The following MNAT1 variants were observed in gnomAD, a reference collection of about 807,000 sequenced individuals.
MNAT1 encodes CDK-activating kinase assembly factor MAT1.
In MNAT1, 43 loss-of-function variants were observed where a neutral mutation model predicts 42.0. The ratio of observed to expected loss-of-function variants is 1.02; its 90% CI spans 0.80 to 1.32. The LOEUF is 1.32. MNAT1 is among the 40% of genes most tolerant of loss of function. The pLI, the probability that MNAT1 is intolerant of heterozygous loss-of-function variation, is 0.00. For synonymous variants in MNAT1, 118 were observed against 120.0 expected, an observed-to-expected ratio of 0.98 and a Z score of 0.11; for missense variants, 306 against 350.4, an observed-to-expected ratio of 0.87 and a Z score of 1.01.
intron 6 of MNAT1, among the ~76,000 whole-genome samples, chr14:60,832,491 T>A (rs547203077): frequency 1.1e-4 from 16 of 152,276 alleles, no homozygotes; most frequent in African/African-American, 3.8e-4. Flanking sequence ...TGGTTGTAGA[T>A]GTGTGGCGTT....
At chr14:60,934,859 C>T (rs1331156647) in intron 7 of MNAT1, among the ~76,000 whole-genome samples, 3 of 152,156 alleles carry the variant, frequency 2.0e-5, no homozygotes, top group Non-Finnish European at 4.4e-5. Context: ...TTTAAATGCT[C>T]TTGGGAGGGG....
chr14:60,851,347 G>A (rs970752282), intron 6 of MNAT1, among the ~76,000 whole-genome samples: 1 of 152,024 alleles, frequency 6.6e-6, no homozygotes, highest in African/African-American at 2.4e-5. Flanking sequence ...GGCATATCTG[G>A]TTTTCTTTTG....
chr14:60,857,605 G>A (rs964686201), intron 6 of MNAT1, among the ~76,000 whole-genome samples: 2 of 152,026 alleles, frequency 1.3e-5, no homozygotes, highest in African/African-American at 4.8e-5. Context: ...TTTAAGTTCT[G>A]CGGTACATTT....
At chr14:60,908,305 T>A (rs1239422639) in intron 7 of MNAT1, among the ~76,000 whole-genome samples, 1 of 152,174 alleles carries the variant, frequency 6.6e-6, no homozygotes, top group Non-Finnish European at 1.5e-5. Flanking sequence ...TTTTCTGGAT[T>A]GTTATTTTTT....
intron 1 of MNAT1, among the ~76,000 whole-genome samples, chr14:60,762,169 A>C (rs557774384): frequency 1.3e-5 from 2 of 152,286 alleles, no homozygotes; most frequent in East Asian, 3.9e-4. Context: ...AGTGACTTGA[A>C]GTTTGGGACA....
At chr14:60,836,812 G>A (rs760721562) in intron 6 of MNAT1, among the ~76,000 whole-genome samples, 7 of 152,202 alleles carry the variant, frequency 4.6e-5, no homozygotes, top group African/African-American at 9.6e-5. Context: ...AGGCAGGAAC[G>A]TTTATGTCTG....
At chr14:60,781,974 ATT>A (rs372647745) in intron 1 of MNAT1, among the ~76,000 whole-genome samples, 15 of 120,388 alleles carry the variant, frequency 1.2e-4, no homozygotes, top group African/African-American at 9.8e-5. Flanking sequence ...TGTGTGTGTG[ATT>A]TTTTTTTTTT....
intron 7 of MNAT1, among the ~76,000 whole-genome samples, chr14:60,923,685 A>G (rs925660216): frequency 6.6e-6 from 1 of 152,198 alleles, no homozygotes; most frequent in East Asian, 1.9e-4. Context: ...CCCTGGATTA[A>G]CGGATGGACA....
In MNAT1 at chr14:60,943,114, C is replaced by G. The variant is rs139797933; in HGVS notation, c.810-25115C>G. Among the ~76,000 whole-genome samples the G allele has an allele frequency of 5.4e-3, 689 of 127,682 alleles. 14 individuals carry two copies. Among genetic ancestry groups the G allele is most frequent in the African/African-American group, 0.019 (643 of 33,228 alleles). The allele number at this position is 127,682 out of a possible 152,430, so 83.8% of individuals were successfully genotyped here. Reference sequence around the variant, plus strand: ...TTGTCACCCAGGCTGTAGTGCAGTGCCGCAATTTTGGCTCACTGCAACCTC... The same window carrying G: ...TTGTCACCCAGGCTGTAGTGCAGTGGCGCAATTTTGGCTCACTGCAACCTC... On this transcript the variant is annotated intron_variant, in intron 7 of 7. Transcript: ENST00000261245.
At chr14:60,818,956 G>A in intron 6 of MNAT1, 109 bp downstream of exon 6, 1 of 1,253,064 alleles carries the variant, frequency 8.0e-7, no homozygotes, top group Non-Finnish European at 1.1e-6. Flanking sequence ...TTTAAGAACA[G>A]TGTCTGATCT....
intron 6 of MNAT1, among the ~76,000 whole-genome samples, chr14:60,870,635 A>G (rs926438781): frequency 6.6e-6 from 1 of 152,066 alleles, no homozygotes; most frequent in African/African-American, 2.4e-5. Context: ...TTTATTTTAT[A>G]TTTCTAGCTG....
At chr14:60,741,680 T>TTTTTG (rs1555371492) in intron 1 of MNAT1, among the ~76,000 whole-genome samples, 1 of 141,446 alleles carries the variant, frequency 7.1e-6, no homozygotes, top group African/African-American at 2.6e-5. Flanking sequence ...TTTTTTTTTT[T>TTTTTG]AATTTTTAGT....
intron 6 of MNAT1, among the ~76,000 whole-genome samples, chr14:60,855,080 C>T (rs192751222): frequency 5.9e-5 from 9 of 152,244 alleles, no homozygotes; most frequent in South Asian, 2.1e-4. Context: ...GTGAATTCTG[C>T]GCAGTTCAGA....
intron 7 of MNAT1, among the ~76,000 whole-genome samples, chr14:60,963,138 C>T (rs1399046681): frequency 6.6e-6 from 1 of 152,032 alleles, no homozygotes; most frequent in African/African-American, 2.4e-5. Context: ...CGTGCCACCA[C>T]GCCCGGCTAA....
chr14:60,754,415 T>G (rs751469845), intron 1 of MNAT1, among the ~76,000 whole-genome samples: 1 of 151,390 alleles, frequency 6.6e-6, no homozygotes, highest in Non-Finnish European at 1.5e-5. Context: ...TGGCACGATC[T>G]TGGCTCACTG....
intron 6 of MNAT1, among the ~76,000 whole-genome samples, chr14:60,865,703 A>G (rs1594814433): frequency 1.3e-5 from 2 of 152,298 alleles, no homozygotes; most frequent in South Asian, 2.1e-4. Flanking sequence ...AATAAAACCT[A>G]TAACAACAAA....
Position 60,798,090 on chromosome 14 carries a change from C to G in MNAT1, c.246C>G (p.Tyr82Ter), listed in dbSNP as rs774207911. The G allele has an allele frequency of 7.3e-7, 1 of 1,377,426 alleles. No homozygotes were observed. Among genetic ancestry groups the G allele is most frequent in the Admixed American group, 1.8e-5 (1 of 55,146 alleles). The allele number at this position is 1,377,426 out of a possible 1,614,324, so 85.3% of individuals were successfully genotyped here. The change falls in exon 3 of 8, where the codon TAC becomes TAG. Residue 82 changes from tyrosine (Y) to a stop codon, truncating the protein, a stop_gained. Transcript: ENST00000261245. LOFTEE classifies it high-confidence loss of function. ...VEIRKKVLKI[Y>*]NKREEDFPSL... is the part of the protein sequence containing the mutation. ...TTTCTTTTTTCTTTTCTTAAAGATA[C>G]AATAAAAGGGAAGAAGATTTTCCTA...
intron 7 of MNAT1, among the ~76,000 whole-genome samples, chr14:60,942,392 AT>A (rs2036182810): frequency 6.6e-6 from 1 of 151,266 alleles, no homozygotes; most frequent in Non-Finnish European, 1.5e-5. Flanking sequence ...CAAAAATCCT[AT>A]CACCATTTGC....
intron 1 of MNAT1, among the ~76,000 whole-genome samples, chr14:60,776,041 G>A (rs1298271899): frequency 1.3e-5 from 2 of 152,198 alleles, no homozygotes; most frequent in Non-Finnish European, 2.9e-5. Context: ...ATACAGTCAT[G>A]GACTGGTAGA....
Sources: gnomAD v4.1 joint callset for allele counts (sites outside exome capture counted in the v4.1 genomes callset) on GRCh38, gnomAD v4.1.1 for gene constraint, MANE v1.5 for transcripts, NCBI Gene and HGNC (gene_info 2026-07-23, HGNC 2026-07-21) for gene names.